RB1CC1: variants seen among roughly 807,000 people sequenced by gnomAD.
RB1CC1 encodes the protein RB1 inducible coiled-coil 1.
Under a neutral mutation model 177.5 loss-of-function variants are expected in RB1CC1, and 46 were observed. The ratio of observed to expected loss-of-function variants is 0.26; its 90% CI spans 0.20 to 0.33. The LOEUF is 0.33. RB1CC1 is among the 10% of genes least tolerant of loss of function. The pLI, the probability that RB1CC1 is intolerant of heterozygous loss-of-function variation, is 1.00. For synonymous variants in RB1CC1, 666 were observed against 613.6 expected (o/e 1.09, Z -1.26); for missense variants, 1,703 against 1,816.3 (o/e 0.94, Z 1.13).
At chr8:52,640,697 T>C (rs1257016449) in intron 18 of RB1CC1, among the ~76,000 whole-genome samples, 1 of 152,180 alleles carries the variant, frequency 6.6e-6, no homozygotes, top group East Asian at 1.9e-4. Context: ...TTTTCACACA[T>C]GTCCGGACAT....
At chr8:52,631,669 G>A (rs1322810926) in intron 20 of RB1CC1, among the ~76,000 whole-genome samples, 1 of 152,134 alleles carries the variant, frequency 6.6e-6, no homozygotes, top group African/African-American at 2.4e-5. Context: ...GGCCAACATT[G>A]GTCCAAACTA....
At chr8:52,646,467 T>C (rs1052625344) in intron 15 of RB1CC1, among the ~76,000 whole-genome samples, 1 of 152,184 alleles carries the variant, frequency 6.6e-6, no homozygotes, top group Non-Finnish European at 1.5e-5. Flanking sequence ...AAACTCAACT[T>C]CAAATGTCAG....
chr8:52,694,287 GGAA>G (rs1331307811), intron 1 of RB1CC1, among the ~76,000 whole-genome samples: 1 of 152,180 alleles, frequency 6.6e-6, no homozygotes, highest in Non-Finnish European at 1.5e-5. Flanking sequence ...CAGGCTTTCA[GGAA>G]GAAGAGGAGG....
intron 20 of RB1CC1, among the ~76,000 whole-genome samples, chr8:52,633,473 T>G (rs888045712): frequency 1.3e-5 from 2 of 152,180 alleles, no homozygotes; most frequent in Non-Finnish European, 2.9e-5. Context: ...CTTCTAAGTC[T>G]TTGTGATAAA....
At chr8:52,678,748 T>C (rs1326185915) in intron 5 of RB1CC1, among the ~76,000 whole-genome samples, 1 of 152,216 alleles carries the variant, frequency 6.6e-6, no homozygotes, top group Non-Finnish European at 1.5e-5. Flanking sequence ...AGGTAAAATA[T>C]GAAAGTTTAC....
At chr8:52,659,168 G>C (rs972310685) in intron 12 of RB1CC1, among the ~76,000 whole-genome samples, 192 bp from the exon 13 acceptor site, 4 of 152,092 alleles carry the variant, frequency 2.6e-5, no homozygotes, top group Admixed American at 2.6e-4. Flanking sequence ...AGTAAACTGC[G>C]ACGTGAACTG....
intron 1 of RB1CC1, among the ~76,000 whole-genome samples, chr8:52,687,437 G>A (rs1854368485): frequency 6.6e-6 from 1 of 152,144 alleles, no homozygotes; most frequent in South Asian, 2.1e-4. Flanking sequence ...ACCCTCAAGT[G>A]TAGGCAGGGC....
At chr8:52,689,771 A>G (rs1269015932) in intron 1 of RB1CC1, among the ~76,000 whole-genome samples, 1 of 151,926 alleles carries the variant, frequency 6.6e-6, no homozygotes, top group Non-Finnish European at 1.5e-5. Flanking sequence ...TTAGGATTCT[A>G]TTTGCCCTGC....
chr8:52,658,084 C>T lies in RB1CC1; in HGVS notation c.1834G>A (p.Val612Ile). The T allele has an allele frequency of 2.5e-6, 4 of 1,613,924 alleles. No individual in the cohort carries two copies. Among genetic ancestry groups the T allele is most frequent in the South Asian group, 2.2e-5 (2 of 91,074 alleles). Reference protein sequence around the residue: ...LCDFEPLHQHVLALHNLVKAA... With the variant: ...LCDFEPLHQHILALHNLVKAA... ...TTTACCAAATTATGTAGAGCAAGTACATGCTGGTGTAGAGGTTCAAAGTCA... is the reference window on the plus strand; with the variant it reads ...TTTACCAAATTATGTAGAGCAAGTATATGCTGGTGTAGAGGTTCAAAGTCA... Residue 612 changes from valine (V) to isoleucine (I), a missense_variant, in exon 14 of 24, where the codon GTA (valine) becomes ATA (isoleucine). By Grantham distance (29) the Val-to-Ile change is conservative (BLOSUM62 3). Transcript: ENST00000025008.
chr8:52,711,003 C>T (rs1010328335), intron 1 of RB1CC1, among the ~76,000 whole-genome samples: 1 of 150,616 alleles, frequency 6.6e-6, no homozygotes, highest in South Asian at 2.1e-4. Flanking sequence ...AAATCAGTGA[C>T]AAAAAAAGGA....
At position 52,678,602 on chromosome 8, in the gene RB1CC1, G is replaced by A. The variant is rs1853378988; in HGVS notation, c.370-2031C>T. Among the ~76,000 whole-genome samples, 3 of 152,100 alleles carry A rather than the reference G, an allele frequency of 2.0e-5. No individual in the cohort carries two copies. In the South Asian group the frequency reaches 6.2e-4, roughly 31 times the overall value. ...TGGAGTGGGGGATGCAACGAAAGAG[G>A]AAGTATTTTCTCTATATATTTTGCT... is the stretch of plus-strand genomic sequence containing the variant. On this transcript the variant is annotated intron_variant, in intron 5 of 23. Coordinates refer to ENST00000025008, the MANE Select transcript of RB1CC1 (RefSeq NM_014781.5).
intron 7 of RB1CC1, among the ~76,000 whole-genome samples, chr8:52,672,336 A>G (rs1267586383): frequency 1.3e-5 from 2 of 152,148 alleles, no homozygotes; most frequent in African/African-American, 4.8e-5. Flanking sequence ...ATACAAATTG[A>G]AAAAAACCTA....
intron 22 of RB1CC1, among the ~76,000 whole-genome samples, chr8:52,625,440 G>A (rs940447228): frequency 2.0e-5 from 3 of 152,148 alleles, no homozygotes; most frequent in Admixed American, 6.5e-5. Flanking sequence ...GACAAGCCAA[G>A]TGGTACCCAT....
At chr8:52,637,381 A>G (rs1849226945) in intron 18 of RB1CC1, among the ~76,000 whole-genome samples, 1 of 152,056 alleles carries the variant, frequency 6.6e-6, no homozygotes, top group South Asian at 2.1e-4. Context: ...AAGAATGACA[A>G]TTTTTTAAGA....
intron 1 of RB1CC1, among the ~76,000 whole-genome samples, chr8:52,699,341 A>G (rs1855773424): frequency 6.6e-6 from 1 of 152,180 alleles, no homozygotes; most frequent in Non-Finnish European, 1.5e-5. Context: ...ACTGTAGGGG[A>G]TATCTGTTCT....
At chr8:52,707,879 T>G (rs1856719511) in intron 1 of RB1CC1, among the ~76,000 whole-genome samples, 1 of 152,186 alleles carries the variant, frequency 6.6e-6, no homozygotes, top group Non-Finnish European at 1.5e-5. Flanking sequence ...CAAAATTTAC[T>G]TGTATTTGAA....
chr8:52,662,879 C>G (rs1851750429), intron 8 of RB1CC1, among the ~76,000 whole-genome samples: 1 of 151,916 alleles, frequency 6.6e-6, no homozygotes, highest in African/African-American at 2.4e-5. Flanking sequence ...CTACTTTTAA[C>G]TCCTTTCGCA....
chr8:52,641,514 G>A (rs1849583032), intron 18 of RB1CC1, among the ~76,000 whole-genome samples: 2 of 151,984 alleles, frequency 1.3e-5, no homozygotes, highest in Non-Finnish European at 2.9e-5. Flanking sequence ...AAGGGATGAT[G>A]ACTTGCTCAA....
intron 8 of RB1CC1, among the ~76,000 whole-genome samples, chr8:52,666,199 CAAG>C (rs1852052982): frequency 6.6e-6 from 1 of 151,928 alleles, no homozygotes; most frequent in Non-Finnish European, 1.5e-5. Flanking sequence ...CATGAAAAGG[CAAG>C]ACCATAAGAG....
Sources: allele counts gnomAD v4.1 joint callset (sites outside exome capture counted in the v4.1 genomes callset), GRCh38; gene constraint gnomAD v4.1.1; transcripts MANE v1.5; gene names NCBI Gene and HGNC (gene_info 2026-07-23, HGNC 2026-07-21).